The following ELF2 variants were observed in gnomAD, a reference collection of about 807,000 sequenced individuals.
ELF2 encodes E74 like ETS transcription factor 2.
In ELF2, 11 loss-of-function variants were observed where a neutral mutation model predicts 54.8. The observed-to-expected ratio is 0.20, with a 90% CI of 0.13 to 0.33. The LOEUF (loss-of-function observed/expected upper bound fraction) is 0.33, where lower values mean the gene tolerates loss of function less well. Among genes scored for constraint, ELF2 ranks in the 10% least tolerant of loss-of-function variants. The pLI is 1.00. For missense variants in ELF2, 513 were observed against 703.0 expected, an observed-to-expected ratio of 0.73 and a Z score of 3.06; for synonymous variants, 203 against 245.1, an observed-to-expected ratio of 0.83 and a Z score of 1.61.
intron 4 of ELF2, among the ~76,000 whole-genome samples, chr4:139,105,202 A>G (rs1389031388): frequency 6.6e-6 from 1 of 152,230 alleles, no homozygotes; most frequent in Non-Finnish European, 1.5e-5. Flanking sequence ...TTAATTCCAT[A>G]TATTTACTTT....
In ELF2 at chr4:139,167,843, G is replaced by A. The variant is rs116722136; in HGVS notation, c.-252+9124C>T. 6.7e-3 allele frequency among the ~76,000 whole-genome samples: 1,023 copies of A among 152,304 alleles called. 17 individuals are homozygous for A. Among genetic ancestry groups the A allele is most frequent in the African/African-American group, 0.024 (991 of 41,558 alleles). On this transcript the variant is annotated intron_variant, in intron 1 of 9. Transcript: ENST00000686138. ...AAACTGCAAACCAGGATGAGAAGTCGATGGTTCCGCACTGTAGACAGGTTT... is the reference window on the plus strand; with the variant it reads ...AAACTGCAAACCAGGATGAGAAGTCAATGGTTCCGCACTGTAGACAGGTTT...
intron 4 of ELF2, among the ~76,000 whole-genome samples, chr4:139,097,167 T>G (rs1227194487): frequency 6.6e-6 from 1 of 152,112 alleles, no homozygotes; most frequent in African/African-American, 2.4e-5. Flanking sequence ...AAATTCCAAG[T>G]TTTTGGTTTT....
intron 1 of ELF2, among the ~76,000 whole-genome samples, chr4:139,173,655 G>T (rs769984387): frequency 2.6e-5 from 4 of 151,622 alleles, no homozygotes; most frequent in Admixed American, 2.0e-4. Context: ...CTACTTGGGA[G>T]GCTGAGGCAA....
At chr4:139,171,030 GCCACCGCACCCAGC>G (rs1742256668) in intron 1 of ELF2, among the ~76,000 whole-genome samples, 1 of 152,072 alleles carries the variant, frequency 6.6e-6, no homozygotes, top group African/African-American at 2.4e-5. Context: ...ACAGGCATGA[GCCACCGCACCCAGC>G]CCAAACAACC....
At chr4:139,105,081 A>C (rs1030200053) in intron 4 of ELF2, among the ~76,000 whole-genome samples, 2 of 152,236 alleles carry the variant, frequency 1.3e-5, no homozygotes, top group Non-Finnish European at 2.9e-5. Flanking sequence ...AAGATTACCA[A>C]TTAACTATCT....
At chr4:139,129,016 G>A (rs186239004) in intron 3 of ELF2, among the ~76,000 whole-genome samples, 13 of 151,620 alleles carry the variant, frequency 8.6e-5, no homozygotes, top group Admixed American at 3.3e-4. Context: ...TTGACACACC[G>A]CAACCTCTGC....
intron 4 of ELF2, among the ~76,000 whole-genome samples, chr4:139,118,577 G>A (rs960361083): frequency 1.3e-5 from 2 of 152,078 alleles, no homozygotes; most frequent in Non-Finnish European, 2.9e-5. Context: ...AGTGGCCACC[G>A]AAATCTGATA....
intron 4 of ELF2, among the ~76,000 whole-genome samples, chr4:139,113,538 G>C (rs1368673492): frequency 6.7e-6 from 1 of 150,150 alleles, no homozygotes; most frequent in Non-Finnish European, 1.5e-5. Flanking sequence ...TCCAGTCTTG[G>C]TGACAGAGAC....
intron 1 of ELF2, among the ~76,000 whole-genome samples, chr4:139,174,293 T>A (rs962967576): frequency 2.0e-5 from 3 of 151,248 alleles, no homozygotes; most frequent in Non-Finnish European, 4.4e-5. Flanking sequence ...TGGATATACT[T>A]TGAAAGCATT....
intron 9 of ELF2, 65 bp from the exon 10 acceptor site, chr4:139,059,672 G>A: frequency 6.5e-7 from 1 of 1,534,856 alleles, no homozygotes; most frequent in Non-Finnish European, 8.7e-7. Flanking sequence ...GGTCTCCTGA[G>A]TAAAAGATTA....
rs187874364 is a variant in ELF2 at position 139,061,455 on chromosome 4, G to A, written c.806+410C>T. ...CTCCCACAGTTCTGGCATTATAGGC[G>A]TGAGCCACCATGCCCAGCCAAACTG... On this transcript the variant is annotated intron_variant, in intron 8 of 9. Transcript: ENST00000686138. Among the ~76,000 whole-genome samples, 644 of 152,238 alleles carry A rather than the reference G, an allele frequency of 4.2e-3. 4 individuals carry two copies. The highest frequency in any genetic ancestry group is 7.4e-3 in the Non-Finnish European group (500 of 68,022).
rs1049296275 is a variant in ELF2, at chr4:139,084,026, G to A, written c.239-10459C>T. ...CCAGCCGCCCCAGTGACTGTGAGGT[G>A]GACACTGTACCCCCAGCACAGACTG... On this transcript the variant is annotated intron_variant, in intron 4 of 9. Transcript: ENST00000686138. The A allele has an allele frequency of 1.3e-5, 21 of 1,568,502 alleles. No individual in the cohort carries two copies. In the East Asian group the frequency reaches 2.3e-4, roughly 17 times the overall value.
chr4:139,087,903 T>C (rs1732162437), intron 4 of ELF2, among the ~76,000 whole-genome samples: 1 of 152,226 alleles, frequency 6.6e-6, no homozygotes, highest in Admixed American at 6.5e-5. Context: ...TCAAAGAATA[T>C]GTAGTATCTT....
At chr4:139,084,499 C>G (rs959220128) in intron 4 of ELF2, 6 of 896,668 alleles carry the variant, frequency 6.7e-6, no homozygotes, top group Non-Finnish European at 8.3e-6. Context: ...GCAACGCGAT[C>G]CTTCCGCCCC....
rs542388782 is a variant in ELF2 at position 139,072,320 on chromosome 4, A to G, written c.353-281T>C. ...TCTTTCACACTTATACTTTCAAACT[A>G]ATTGTAGAAAAATTCTAAATTATTC... On this transcript the variant is annotated intron_variant, in intron 5 of 9. Transcript: ENST00000686138. 505 of 254,776 alleles carry G rather than the reference A, an allele frequency of 2.0e-3. 1 individual carries two copies. The highest frequency in any genetic ancestry group is 0.011 in the African/African-American group (486 of 44,160). 15.8% of individuals were successfully genotyped at this position (254,776 alleles called of 1,614,324 possible). A position where few individuals can be genotyped will look rare whatever the true frequency, so the allele number is the denominator to read the frequency against.
rs1208586639 is a variant in ELF2, at chr4:139,102,340, G to A, written c.238+22824C>T. ...CATCGAGACCATCCTGGCTAACACA[G>A]TGAAACCCGGTCTCTACGAAAAAAA... On this transcript the variant is annotated intron_variant, in intron 4 of 9. Transcript: ENST00000686138. The A allele has an allele frequency of 2.1e-5, 3 of 142,202 alleles. No homozygotes were observed. The East Asian group carries it at 6.9e-4, about 32-fold the overall frequency. The allele number at this position is 142,202 out of a possible 1,614,324, so 8.8% of individuals were successfully genotyped here. A position where few individuals can be genotyped will look rare whatever the true frequency, so the allele number is the denominator to read the frequency against.
At chr4:139,174,849 C>T (rs1429944723) in intron 1 of ELF2, among the ~76,000 whole-genome samples, 4 of 152,128 alleles carry the variant, frequency 2.6e-5, no homozygotes, top group Admixed American at 2.6e-4. Flanking sequence ...CAAACTCTGG[C>T]CTCAAGAGAT....
chr4:139,072,178 T>C (rs1729611573), intron 5 of ELF2, 139 bp from the exon 6 acceptor site: 1 of 749,468 alleles, frequency 1.3e-6, no homozygotes. Context: ...AGAAGTTAAT[T>C]TGCTGAATAT....
intron 1 of ELF2, among the ~76,000 whole-genome samples, chr4:139,153,288 AGTCAGACACGGTGGCACAC>A (rs1296058384): frequency 1.3e-5 from 2 of 152,060 alleles, no homozygotes; most frequent in African/African-American, 2.4e-5. Flanking sequence ...TACAAAAATT[AGTCAGACACGGTGGCACAC>A]GTCTGTAGTC....
Sources: gnomAD v4.1 joint callset for allele counts (sites outside exome capture counted in the v4.1 genomes callset) on GRCh38, gnomAD v4.1.1 for gene constraint, MANE v1.5 for transcripts, NCBI Gene and HGNC (gene_info 2026-07-23, HGNC 2026-07-21) for gene names.